TYW1: variants seen among roughly 807,000 people sequenced by gnomAD.
TYW1 encodes tRNA-yW synthesizing protein 1 homolog.
In TYW1, 46 loss-of-function variants were observed where a neutral mutation model predicts 96.2. That is an observed-to-expected ratio of 0.48 (90% CI 0.38 to 0.61). TYW1 has a LOEUF of 0.61. Ranked by LOEUF, TYW1 falls within the 20% of genes least tolerant of loss-of-function variation. TYW1 has a pLI of 0.00. For missense variants in TYW1, 684 were observed against 909.6 expected, an observed-to-expected ratio of 0.75 and a Z score of 3.19; for synonymous variants, 274 against 323.0, an observed-to-expected ratio of 0.85 and a Z score of 1.63.
intron 15 of TYW1, among the ~76,000 whole-genome samples, chr7:67,214,053 C>A (rs1267432497): frequency 6.6e-6 from 1 of 152,152 alleles, no homozygotes; most frequent in Non-Finnish European, 1.5e-5. Context: ...CAAAATCACT[C>A]TCTAGGATTT....
intron 10 of TYW1, among the ~76,000 whole-genome samples, chr7:67,075,499 T>G (rs1796173454): frequency 6.6e-6 from 1 of 152,260 alleles, no homozygotes; most frequent in South Asian, 2.1e-4. Context: ...CATTAACTGA[T>G]GAACATGTGG....
intron 6 of TYW1, among the ~76,000 whole-genome samples, chr7:67,022,080 T>G (rs1314344667): frequency 6.6e-6 from 1 of 152,046 alleles, no homozygotes; most frequent in East Asian, 1.9e-4. Context: ...CCAGCTAAGT[T>G]TTTTTAATTT....
chr7:67,036,560 G>A (rs1471322751), intron 7 of TYW1, among the ~76,000 whole-genome samples: 2 of 152,218 alleles, frequency 1.3e-5, no homozygotes, highest in Admixed American at 1.3e-4. Context: ...CCAGAGGTCA[G>A]GAGGGCCCCT....
In TYW1 at chr7:67,152,881, G is replaced by T. The variant is rs1264404922; in HGVS notation, c.1699-30245G>T. 2.6e-5 allele frequency among the ~76,000 whole-genome samples: 4 copies of T among 152,274 alleles called. No individual in the cohort carries two copies. The East Asian group carries it at 7.8e-4, about 30-fold the overall frequency. ...CTCCCAAAGTGCTGGGATTGCAGGCGTGAGCCACCATGCCCTGCCATATTC... is the reference window on the plus strand; with the variant it reads ...CTCCCAAAGTGCTGGGATTGCAGGCTTGAGCCACCATGCCCTGCCATATTC... On this transcript the variant is annotated intron_variant, in intron 13 of 15. Transcript: ENST00000359626.
intron 5 of TYW1, among the ~76,000 whole-genome samples, chr7:67,015,950 G>C (rs1794006605): frequency 6.8e-6 from 1 of 147,900 alleles, no homozygotes; most frequent in South Asian, 2.1e-4. Flanking sequence ...GCAACAGAGT[G>C]AGACTATGTC....
chr7:67,056,384 C>T (rs1005189054), intron 9 of TYW1, among the ~76,000 whole-genome samples: 19 of 151,124 alleles, frequency 1.3e-4, no homozygotes, highest in African/African-American at 2.4e-4. Context: ...CCCAGCTATT[C>T]GGGAGGCTGA....
At chr7:67,153,748 C>A (rs1798877230) in intron 13 of TYW1, among the ~76,000 whole-genome samples, 1 of 152,104 alleles carries the variant, frequency 6.6e-6, no homozygotes, top group Non-Finnish European at 1.5e-5. Context: ...ACTAACTATA[C>A]TTGAATTTTT....
chr7:67,031,935 T>C (rs2129250847), intron 7 of TYW1, among the ~76,000 whole-genome samples: 1 of 152,340 alleles, frequency 6.6e-6, no homozygotes, highest in East Asian at 1.9e-4. Context: ...ACACATCATC[T>C]CTGTAGTTTC....
At chr7:67,214,935 A>G (rs1488419832) in intron 15 of TYW1, among the ~76,000 whole-genome samples, 1 of 151,506 alleles carries the variant, frequency 6.6e-6, no homozygotes, top group Non-Finnish European at 1.5e-5. Context: ...ATCTGTGTTT[A>G]TGGCAATTAT....
At chr7:67,170,416 A>G (rs1437400740) in intron 13 of TYW1, among the ~76,000 whole-genome samples, 2 of 152,186 alleles carry the variant, frequency 1.3e-5, no homozygotes, top group Non-Finnish European at 2.9e-5. Flanking sequence ...TTGGGTTCCT[A>G]TGCATTTCCA....
intron 10 of TYW1, among the ~76,000 whole-genome samples, chr7:67,081,771 C>G (rs1327408428): frequency 6.7e-6 from 1 of 150,046 alleles, no homozygotes; most frequent in Non-Finnish European, 1.5e-5. Context: ...CTTCCTTCTT[C>G]TTTTCCTTTT....
At chr7:67,116,810 A>T (rs912555202) in intron 12 of TYW1, among the ~76,000 whole-genome samples, 1 of 152,190 alleles carries the variant, frequency 6.6e-6, no homozygotes, top group Non-Finnish European at 1.5e-5. Flanking sequence ...GTATTCATGG[A>T]AACTGATTGT....
intron 15 of TYW1, among the ~76,000 whole-genome samples, chr7:67,222,722 A>T (rs1471453598): frequency 6.6e-6 from 1 of 151,798 alleles, no homozygotes; most frequent in Admixed American, 6.6e-5. Context: ...TATGTCTTTC[A>T]TTAAATTTAG....
intron 10 of TYW1, among the ~76,000 whole-genome samples, chr7:67,068,370 C>G (rs934171211): frequency 6.6e-6 from 1 of 152,232 alleles, no homozygotes; most frequent in Non-Finnish European, 1.5e-5. Flanking sequence ...TCTTCAACTC[C>G]TAGTTCTCTA....
chr7:67,107,272 T>C (rs1370873339), intron 12 of TYW1, among the ~76,000 whole-genome samples: 2 of 152,230 alleles, frequency 1.3e-5, no homozygotes, highest in Non-Finnish European at 1.5e-5. Flanking sequence ...CCTGAGTCTT[T>C]CAATAGAAGT....
intron 13 of TYW1, among the ~76,000 whole-genome samples, chr7:67,176,759 C>T (rs976691587): frequency 3.9e-5 from 6 of 152,272 alleles, no homozygotes; most frequent in African/African-American, 1.2e-4. Context: ...AGAAGGACGA[C>T]ATAAGAGAAC....
intron 13 of TYW1, among the ~76,000 whole-genome samples, chr7:67,178,674 C>CA (rs993863227): frequency 6.6e-6 from 1 of 151,936 alleles, no homozygotes; most frequent in African/African-American, 2.4e-5. Flanking sequence ...TGATAGACAC[C>CA]AAACACAAAA....
intron 7 of TYW1, among the ~76,000 whole-genome samples, chr7:67,028,194 A>G (rs1044232401): frequency 7.3e-5 from 11 of 150,762 alleles, no homozygotes; most frequent in African/African-American, 2.7e-4. Flanking sequence ...AGCTGAGATC[A>G]TGCTGCTGCA....
chr7:67,108,465 AG>A, intron 12 of TYW1, among the ~76,000 whole-genome samples: 1 of 145,568 alleles, frequency 6.9e-6, no homozygotes, highest in South Asian at 2.2e-4. Context: ...TTTTTGAGAC[AG>A]GGTCTCACCC....
Sources: gnomAD v4.1 joint callset for allele counts (sites outside exome capture counted in the v4.1 genomes callset) on GRCh38, gnomAD v4.1.1 for gene constraint, MANE v1.5 for transcripts, NCBI Gene and HGNC (gene_info 2026-07-23, HGNC 2026-07-21) for gene names.